Variants in USH2A observed in about 807,000 individuals in gnomAD.
The protein encoded by USH2A is usherin, also known as Usher syndrome 2A (autosomal recessive, mild).
In USH2A, 443 loss-of-function variants were observed where a neutral mutation model predicts 538.9. The ratio of observed to expected loss-of-function variants is 0.82; its 90% CI spans 0.76 to 0.89. The LOEUF is 0.89. Ranked by LOEUF, USH2A falls within the 40% of genes least tolerant of loss-of-function variation. The pLI, the probability that USH2A is intolerant of heterozygous loss-of-function variation, is 0.00. For missense variants in USH2A, 6,633 were observed against 6,324.8 expected (o/e 1.05, Z -1.65); for synonymous variants, 2,413 against 2,273.5 (o/e 1.06, Z -1.75).
chr1:216,012,632 T>C (rs990050395), intron 32 of USH2A, among the ~76,000 whole-genome samples: 69 of 152,242 alleles, frequency 4.5e-4, no homozygotes, highest in African/African-American at 1.6e-3. Flanking sequence ...GTGAAACCTT[T>C]ATATCCCTTA....
chr1:215,951,843 TA>T (rs1666924684), intron 37 of USH2A, among the ~76,000 whole-genome samples: 7 of 151,546 alleles, frequency 4.6e-5, no homozygotes, highest in Admixed American at 2.6e-4. Flanking sequence ...TTTGTTGGTT[TA>T]TTTTTTTTAT....
At chr1:216,075,846 C>A (rs76539983) in intron 27 of USH2A, among the ~76,000 whole-genome samples, 2 of 106,618 alleles carry the variant, frequency 1.9e-5, no homozygotes. Flanking sequence ...AAGATTGCAA[C>A]GTTAGTAGAT....
At chr1:215,876,975 A>C (rs1009640547) in intron 43 of USH2A, among the ~76,000 whole-genome samples, 1 of 152,210 alleles carries the variant, frequency 6.6e-6, no homozygotes, top group African/African-American at 2.4e-5. Flanking sequence ...CCCACATAGA[A>C]AAGTTACTGA....
At chr1:215,975,903 T>C (rs1667609934) in intron 35 of USH2A, among the ~76,000 whole-genome samples, 1 of 152,216 alleles carries the variant, frequency 6.6e-6, no homozygotes, top group African/African-American at 2.4e-5. Flanking sequence ...GTAAATTGCT[T>C]TGGGCACTAT....
chr1:216,217,855 G>T (rs1376489665), intron 14 of USH2A, among the ~76,000 whole-genome samples: 1 of 151,980 alleles, frequency 6.6e-6, no homozygotes, highest in Non-Finnish European at 1.5e-5. Flanking sequence ...GGATTAGTTT[G>T]AATCCAGTTG....
chr1:216,071,143 A>G (rs1271170200), intron 29 of USH2A, among the ~76,000 whole-genome samples: 1 of 152,146 alleles, frequency 6.6e-6, no homozygotes, highest in Admixed American at 6.6e-5. Context: ...TGGATGAGAG[A>G]CCTGCTCTAG....
At chr1:215,785,117 G>A (rs904906593) in intron 52 of USH2A, among the ~76,000 whole-genome samples, 1 of 152,098 alleles carries the variant, frequency 6.6e-6, no homozygotes, top group African/African-American at 2.4e-5. Flanking sequence ...AAATAACGAG[G>A]CAAAGGTAAA....
At chr1:215,792,628 T>G (rs1319647192) in intron 50 of USH2A, among the ~76,000 whole-genome samples, 1 of 152,160 alleles carries the variant, frequency 6.6e-6, no homozygotes, top group Non-Finnish European at 1.5e-5. Context: ...CTAACTCACT[T>G]AGGGAGAGCA....
intron 14 of USH2A, among the ~76,000 whole-genome samples, chr1:216,227,190 GA>G (rs1284449430): frequency 6.6e-6 from 1 of 152,104 alleles, no homozygotes; most frequent in African/African-American, 2.4e-5. Context: ...ACTAGTTCTT[GA>G]ATGTCTGCAT....
At chr1:216,061,325 C>T (rs556935954) in intron 30 of USH2A, among the ~76,000 whole-genome samples, 44 of 152,324 alleles carry the variant, frequency 2.9e-4, no homozygotes, top group South Asian at 1.7e-3. Flanking sequence ...AATCCCACTT[C>T]CCAATAACTA....
At chr1:216,073,025 G>C (rs1050594581) in intron 28 of USH2A, 56 bp from the exon 29 acceptor site, 2 of 1,612,042 alleles carry the variant, frequency 1.2e-6, no homozygotes, top group Non-Finnish European at 1.7e-6. Flanking sequence ...AGATTAATGA[G>C]GGGCTGGCAG....
intron 61 of USH2A, among the ~76,000 whole-genome samples, chr1:215,685,702 C>T (rs1184915995): frequency 1.4e-5 from 2 of 145,866 alleles, no homozygotes; most frequent in African/African-American, 5.0e-5. Flanking sequence ...TATTTTTTTA[C>T]CACGCATTAG....
At chr1:216,144,700 A>G (rs1386621944) in intron 21 of USH2A, among the ~76,000 whole-genome samples, 3 of 152,182 alleles carry the variant, frequency 2.0e-5, no homozygotes, top group Admixed American at 6.5e-5. Flanking sequence ...ATGCAAATGA[A>G]TATTACCTAA....
intron 13 of USH2A, among the ~76,000 whole-genome samples, chr1:216,235,754 G>T (rs1196473834): frequency 6.6e-6 from 1 of 152,190 alleles, no homozygotes; most frequent in Non-Finnish European, 1.5e-5. Flanking sequence ...AAGAAAAGAA[G>T]TGTAACCTCT....
chr1:216,193,439 G>T (rs2034763510), intron 19 of USH2A, among the ~76,000 whole-genome samples: 1 of 152,016 alleles, frequency 6.6e-6, no homozygotes, highest in South Asian at 2.1e-4. Context: ...AAAATTGTGT[G>T]TTGTACATGG....
At chr1:216,388,372 T>C (rs971586424) in intron 3 of USH2A, among the ~76,000 whole-genome samples, 1 of 149,332 alleles carries the variant, frequency 6.7e-6, no homozygotes, top group Admixed American at 6.6e-5. Context: ...TGGAAACCCA[T>C]GAATTGCATA....
intron 35 of USH2A, among the ~76,000 whole-genome samples, chr1:215,988,667 T>G (rs1222147915): frequency 1.3e-5 from 2 of 152,226 alleles, no homozygotes; most frequent in Non-Finnish European, 2.9e-5. Flanking sequence ...TTCCAGAACA[T>G]GTTGTTTTCT....
Position 215,639,167 on chromosome 1 carries a change from A to C in USH2A, c.15040T>G (p.Ser5014Ala). 1 of 1,614,102 alleles carries C rather than the reference A, an allele frequency of 6.2e-7. No individual in the cohort carries two copies. The highest frequency in any genetic ancestry group is 8.5e-7 in the Non-Finnish European group (1 of 1,179,984). ...ATGAGTTGTTTACCAAGTCCAGTAG[A>C]GGTATCATATTGGATCAACGGCGTC... ...VKTPLIQYDT[S>A]TGLGLVLTTP... Residue 5014 changes from serine (S) to alanine (A), a missense_variant, in exon 69 of 72, where the codon TCT becomes GCT. By Grantham distance (99) the Ser-to-Ala change is moderately conservative (BLOSUM62 1). Coordinates refer to ENST00000307340, the MANE Select transcript of USH2A (RefSeq NM_206933.4).
At chr1:216,086,403 A>G (rs183445897) in intron 24 of USH2A, among the ~76,000 whole-genome samples, 197 of 152,270 alleles carry the variant, frequency 1.3e-3, no homozygotes, top group African/African-American at 4.6e-3. Context: ...TTCACATTCA[A>G]TTTAAAATCT....
Sources: allele counts gnomAD v4.1 joint callset (sites outside exome capture counted in the v4.1 genomes callset), GRCh38; gene constraint gnomAD v4.1.1; transcripts MANE v1.5; gene names NCBI Gene and HGNC (gene_info 2026-07-23, HGNC 2026-07-21).